Variants in MAP6 observed in about 807,000 individuals in gnomAD.
MAP6 encodes microtubule associated protein 6.
MAP6 carries 26 observed loss-of-function variants against 42.4 expected under a neutral mutation model. The observed-to-expected ratio is 0.61, with a 90% confidence interval of 0.45 to 0.85. MAP6 has a LOEUF of 0.85. Ranked by LOEUF, MAP6 falls within the 40% of genes least tolerant of loss-of-function variation. The pLI is 0.00. For synonymous variants in MAP6, 418 were observed against 443.8 expected (o/e 0.94, Z 0.73); for missense variants, 966 against 1,099.0 (o/e 0.88, Z 1.71).
At chr11:75,634,687 T>C (rs569158041) in intron 1 of MAP6, among the ~76,000 whole-genome samples, 3 of 152,310 alleles carry the variant, frequency 2.0e-5, no homozygotes, top group Non-Finnish European at 2.9e-5. Context: ...TCAGAGTACC[T>C]TCGCTTGCTT....
At chr11:75,620,859 G>C (rs549451456) in intron 1 of MAP6, among the ~76,000 whole-genome samples, 1 of 152,136 alleles carries the variant, frequency 6.6e-6, no homozygotes, top group East Asian at 1.9e-4. Flanking sequence ...GACCGGGCAC[G>C]GTGGCTCACG....
At chr11:75,623,529 C>G (rs1052169527) in intron 1 of MAP6, among the ~76,000 whole-genome samples, 7 of 152,132 alleles carry the variant, frequency 4.6e-5, no homozygotes, top group Admixed American at 2.6e-4. Flanking sequence ...TCCTCTGATG[C>G]TCACCTTCTT....
chr11:75,642,443 T>C (rs990436895), intron 1 of MAP6, among the ~76,000 whole-genome samples: 2 of 152,252 alleles, frequency 1.3e-5, no homozygotes, highest in Non-Finnish European at 2.9e-5. Context: ...AAAACTATTA[T>C]CTGATTGAAC....
chr11:75,637,819 GGGAGGGAGGGAAGTAGGAA>G (rs1565272479), intron 1 of MAP6, among the ~76,000 whole-genome samples: 1 of 147,198 alleles, frequency 6.8e-6, no homozygotes, highest in African/African-American at 2.5e-5. Context: ...GAGGGAGGGA[GGGAGGGAGGGAAGTAGGAA>G]GGAGGGAGGG....
intron 3 of MAP6, chr11:75,603,779 G>A (rs1176143284): frequency 1.0e-6 from 1 of 984,374 alleles, no homozygotes; most frequent in Non-Finnish European, 1.2e-6. Flanking sequence ...TTCTAGCAAG[G>A]GAATGCTAAA....
chr11:75,613,428 G>T lies in MAP6; in HGVS notation c.906-5106C>A, dbSNP rs1054170073. On this transcript the variant is annotated intron_variant, in intron 1 of 3. Coordinates refer to ENST00000304771, the MANE Select transcript of MAP6 (RefSeq NM_033063.2). ...AAGCCCTTCCCTTCAGTCAGCCTGG[G>T]TGTACACCACAGTGAGGCCCGGGGC... Among the ~76,000 whole-genome samples, 127 of 152,158 alleles carry T rather than the reference G, an allele frequency of 8.3e-4. 1 individual carries two copies. Among genetic ancestry groups the T allele is most frequent in the Admixed American group, 8.3e-3 (127 of 15,292 alleles).
At chr11:75,588,725 G>A (rs1942418534) in intron 3 of MAP6, among the ~76,000 whole-genome samples, 1 of 152,180 alleles carries the variant, frequency 6.6e-6, no homozygotes, top group East Asian at 1.9e-4. Context: ...TGGCATACCA[G>A]GAAAGGAAGC....
intron 1 of MAP6, chr11:75,635,798 T>C (rs1192054121): frequency 1.3e-5 from 2 of 152,230 alleles, no homozygotes; most frequent in African/African-American, 4.8e-5. Flanking sequence ...GGTATCTTCA[T>C]TGTGTCTGTG....
intron 1 of MAP6, among the ~76,000 whole-genome samples, chr11:75,640,846 G>A (rs1259438112): frequency 6.6e-5 from 10 of 152,204 alleles, no homozygotes; most frequent in African/African-American, 2.4e-4. Context: ...AGATGCTGGA[G>A]AGGATGTGGA....
At chr11:75,590,556 G>T (rs1271073362) in intron 3 of MAP6, among the ~76,000 whole-genome samples, 3 of 152,192 alleles carry the variant, frequency 2.0e-5, no homozygotes, top group East Asian at 3.8e-4. Flanking sequence ...CCTCAACTTT[G>T]CATGGATACA....
intron 1 of MAP6, among the ~76,000 whole-genome samples, chr11:75,644,442 G>A (rs1038669851): frequency 4.6e-5 from 7 of 152,096 alleles, no homozygotes; most frequent in African/African-American, 1.7e-4. Context: ...ATTTTGTTAT[G>A]TGTCAGGTAC....
At position 75,608,006 on chromosome 11, in the gene MAP6, G is replaced by A. The variant is rs192765124; in HGVS notation, c.1119+103C>T. On this transcript the variant is annotated intron_variant, in intron 2 of 3. Coordinates refer to ENST00000304771, the MANE Select transcript of MAP6 (RefSeq NM_033063.2). ...GGAAGCAGGGATTTTAAAGGTGCCC[G>A]TGGAGGCTGGGCCAGATTTGACAGC... 52 of 1,099,436 alleles carry A rather than the reference G, an allele frequency of 4.7e-5. No individual in the cohort carries two copies. The East Asian group carries it at 7.7e-4, about 16-fold the overall frequency. 68.1% of individuals were successfully genotyped at this position (1,099,436 alleles called of 1,614,324 possible). A position where few individuals can be genotyped will look rare whatever the true frequency, so the allele number is the denominator to read the frequency against.
chr11:75,650,214 G>A (rs1943626020), intron 1 of MAP6, among the ~76,000 whole-genome samples: 1 of 152,194 alleles, frequency 6.6e-6, no homozygotes, highest in Non-Finnish European at 1.5e-5. Context: ...CCAACCCCTA[G>A]TAACAGATGA....
At chr11:75,639,129 C>T (rs1009317692) in intron 1 of MAP6, among the ~76,000 whole-genome samples, 1 of 152,084 alleles carries the variant, frequency 6.6e-6, no homozygotes, top group Non-Finnish European at 1.5e-5. Flanking sequence ...GGAATAACAA[C>T]TTTGGAAATT....
In MAP6 at chr11:75,644,800, TTGAC is replaced by T. The variant is rs554162486; in HGVS notation, c.905+22661_905+22664del. 5.0e-3 allele frequency among the ~76,000 whole-genome samples: 768 copies of T among 152,280 alleles called. 6 individuals carry two copies. Among genetic ancestry groups the T allele is most frequent in the African/African-American group, 0.018 (735 of 41,552 alleles). On this transcript the variant is annotated intron_variant, in intron 1 of 3. Coordinates refer to ENST00000304771, the MANE Select transcript of MAP6 (RefSeq NM_033063.2). ...AGAAAATCTAAGAAAGAAAATTTGG[TTGAC>T]TGAGTTAAGCTCCCCTCTCCCCCAC...
At chr11:75,592,193 T>TCAGG in intron 3 of MAP6, among the ~76,000 whole-genome samples, 1 of 152,180 alleles carries the variant, frequency 6.6e-6, no homozygotes, top group Non-Finnish European at 1.5e-5. Flanking sequence ...TCTTCCTGCC[T>TCAGG]GTGTCTCTCC....
Position 75,660,309 on chromosome 11 carries a change from C to G in MAP6, c.905+7156G>C, listed in dbSNP as rs75362413. ...ATGATTGTTTCCAAATCTATATTTA[C>G]AGCCCAGGCCTCTCCCTAAACTTTC... is the stretch of plus-strand genomic sequence containing the variant. On this transcript the variant is annotated intron_variant, in intron 1 of 3. Coordinates refer to ENST00000304771, the MANE Select transcript of MAP6 (RefSeq NM_033063.2). 2.7e-3 allele frequency among the ~76,000 whole-genome samples: 411 copies of G among 152,282 alleles called. 14 individuals carry two copies. In the East Asian group the frequency reaches 0.075, roughly 28 times the overall value.
intron 3 of MAP6, among the ~76,000 whole-genome samples, chr11:75,598,204 T>C (rs895231453): frequency 2.6e-4 from 40 of 152,234 alleles, no homozygotes; most frequent in African/African-American, 8.7e-4. Flanking sequence ...ATTTGTATTA[T>C]TGTTATCTAT....
chr11:75,599,565 T>C (rs1042471336), intron 3 of MAP6, among the ~76,000 whole-genome samples: 1 of 152,208 alleles, frequency 6.6e-6, no homozygotes, highest in African/African-American at 2.4e-5. Context: ...CAGATGTATA[T>C]AGATCTGACC....
Sources: allele counts gnomAD v4.1 joint callset (sites outside exome capture counted in the v4.1 genomes callset), GRCh38; gene constraint gnomAD v4.1.1; transcripts MANE v1.5; gene names NCBI Gene and HGNC (gene_info 2026-07-23, HGNC 2026-07-21).